Variants in TCF7L1 observed in about 807,000 individuals in gnomAD.
TCF7L1 encodes the protein transcription factor 7 like 1.
Under a neutral mutation model 63.7 loss-of-function variants are expected in TCF7L1, and 18 were observed. The observed-to-expected ratio is 0.28, with a 90% CI of 0.20 to 0.42. The LOEUF is 0.42. Ranked by LOEUF, TCF7L1 falls within the 10% of genes least tolerant of loss-of-function variation. TCF7L1 has a pLI of 1.00. For synonymous variants in TCF7L1, 355 were observed against 340.9 expected (o/e 1.04, Z -0.46); for missense variants, 654 against 779.3 (o/e 0.84, Z 1.91).
chr2:85,165,655 A>G (rs1007290502), intron 3 of TCF7L1, among the ~76,000 whole-genome samples: 1 of 152,184 alleles, frequency 6.6e-6, no homozygotes, highest in Non-Finnish European at 1.5e-5. Flanking sequence ...AAAAACATGT[A>G]TGGTGCCAGA....
At chr2:85,279,549 G>A (rs979897582) in intron 3 of TCF7L1, among the ~76,000 whole-genome samples, 1 of 152,174 alleles carries the variant, frequency 6.6e-6, no homozygotes, top group East Asian at 1.9e-4. Context: ...ACTGGCTCCT[G>A]CTGCCCCAAT....
chr2:85,146,497 C>CTTTTTTTTTTTTTTTTTTT (rs554058692), intron 3 of TCF7L1, among the ~76,000 whole-genome samples: 1 of 103,612 alleles, frequency 9.7e-6, no homozygotes, highest in Non-Finnish European at 1.9e-5. Context: ...TTCTTTCTTT[C>CTTTTTTTTTTTTTTTTTTT]TTTTTTTTTT....
intron 4 of TCF7L1, among the ~76,000 whole-genome samples, chr2:85,297,410 A>G (rs1681856554): frequency 6.6e-6 from 1 of 152,166 alleles, no homozygotes; most frequent in Non-Finnish European, 1.5e-5. Context: ...GCTGCAGCCC[A>G]CTGGCCTGCC....
chr2:85,205,373 C>T (rs1054158850), intron 3 of TCF7L1, among the ~76,000 whole-genome samples: 5 of 152,056 alleles, frequency 3.3e-5, no homozygotes, highest in South Asian at 2.1e-4. Context: ...CTTTGTCTTC[C>T]GGCTGTAGCA....
At chr2:85,278,961 A>G (rs968300163) in intron 3 of TCF7L1, among the ~76,000 whole-genome samples, 1 of 152,188 alleles carries the variant, frequency 6.6e-6, no homozygotes, top group Non-Finnish European at 1.5e-5. Flanking sequence ...ATTCATCACC[A>G]TTTCAATGTG....
chr2:85,277,475 G>T (rs1003389352), intron 3 of TCF7L1, among the ~76,000 whole-genome samples: 1 of 152,036 alleles, frequency 6.6e-6, no homozygotes, highest in African/African-American at 2.4e-5. Context: ...GAAAAGCCTG[G>T]GCAACCCTTG....
intron 3 of TCF7L1, among the ~76,000 whole-genome samples, chr2:85,139,848 T>G (rs6754757): frequency 0.41 from 61,815 of 151,894 alleles, 12,808 homozygotes; most frequent in Non-Finnish European, 0.43. Flanking sequence ...TAGAATGCCA[T>G]GGAAGGAATC....
chr2:85,158,403 C>A (rs1329426315), intron 3 of TCF7L1, among the ~76,000 whole-genome samples: 3 of 152,154 alleles, frequency 2.0e-5, no homozygotes, highest in Non-Finnish European at 4.4e-5. Flanking sequence ...TGAAGCCAGT[C>A]CAGAACTCCG....
intron 4 of TCF7L1, among the ~76,000 whole-genome samples, chr2:85,283,917 T>G (rs1440797865): frequency 6.6e-6 from 1 of 152,268 alleles, no homozygotes; most frequent in Non-Finnish European, 1.5e-5. Flanking sequence ...GTGGCTTCTC[T>G]GTCCTGTTGA....
rs1193019705 is a variant in TCF7L1 at position 85,302,607 on chromosome 2, C to G, written c.649C>G (p.Pro217Ala). 1 of 1,198,266 alleles carries G rather than the reference C, an allele frequency of 8.3e-7. No individual in the cohort carries two copies. The highest frequency in any genetic ancestry group is 1.6e-5 in the African/African-American group (1 of 63,300). 74.2% of individuals were successfully genotyped at this position (1,198,266 alleles called of 1,614,324 possible). Residue 217 changes from proline (P) to alanine (A), a missense_variant, in exon 5 of 12, where the codon CCA (proline) becomes GCA (alanine). Physicochemically the swap from Pro to Ala is conservative, Grantham distance 27 (BLOSUM62 -1). Around this residue, in one of 3 missense-constraint regions of TCF7L1, gnomAD observed 404 missense variants for 454.8 expected, o/e 0.89. Transcript: ENST00000282111. Reference sequence around the variant, plus strand: ...CACCCACCTCTCCCCAGAGATCGATCCAAAGACAGGTAAGTCGTCTGCCAC... The same window carrying G: ...CACCCACCTCTCCCCAGAGATCGATGCAAAGACAGGTAAGTCGTCTGCCAC... ...PPTHLSPEIDPKTGIPRPPHP... is the reference protein window; with the variant it reads ...PPTHLSPEIDAKTGIPRPPHP...
chr2:85,302,725 T>C, intron 5 of TCF7L1, 109 bp downstream of exon 5: 1 of 1,401,420 alleles, frequency 7.1e-7, no homozygotes, highest in Non-Finnish European at 9.6e-7. Flanking sequence ...ATCATGGCTC[T>C]TTGTCTCAGG....
At chr2:85,170,452 A>C (rs1226873587) in intron 3 of TCF7L1, among the ~76,000 whole-genome samples, 2 of 152,220 alleles carry the variant, frequency 1.3e-5, no homozygotes, top group Non-Finnish European at 2.9e-5. Flanking sequence ...GTGCCAAATC[A>C]TGGGTTTGTT....
chr2:85,289,856 T>C (rs1681647309), intron 4 of TCF7L1, among the ~76,000 whole-genome samples: 1 of 152,078 alleles, frequency 6.6e-6, no homozygotes, highest in South Asian at 2.1e-4. Context: ...GTATTTTTAG[T>C]AGAGACGGGG....
At chr2:85,153,499 G>A (rs1381592448) in intron 3 of TCF7L1, among the ~76,000 whole-genome samples, 2 of 151,654 alleles carry the variant, frequency 1.3e-5, no homozygotes, top group South Asian at 2.1e-4. Flanking sequence ...CCACCACCAC[G>A]CCCGGCTAAT....
At chr2:85,180,222 GT>G (rs1361694303) in intron 3 of TCF7L1, among the ~76,000 whole-genome samples, 331 of 147,298 alleles carry the variant, frequency 2.2e-3, no homozygotes, top group African/African-American at 8.0e-3. Flanking sequence ...TTTTTTTTTT[GT>G]TTTTGTTTTT....
chr2:85,202,755 G>A (rs1207909091), intron 3 of TCF7L1, among the ~76,000 whole-genome samples: 1 of 152,166 alleles, frequency 6.6e-6, no homozygotes, highest in African/African-American at 2.4e-5. Context: ...TAATGGTGAG[G>A]CACGTAAGGT....
chr2:85,187,714 C>G lies in TCF7L1; in HGVS notation c.441+53264C>G, dbSNP rs7597730. 5.9e-3 allele frequency among the ~76,000 whole-genome samples: 901 copies of G among 152,326 alleles called. 12 individuals carry two copies. The highest frequency in any genetic ancestry group is 0.02 in the African/African-American group (844 of 41,566). On this transcript the variant is annotated intron_variant, in intron 3 of 11. Coordinates refer to ENST00000282111, the MANE Select transcript of TCF7L1 (RefSeq NM_031283.3). ...GCCCTCTACCAAGACCATGCTGTCACAGTTACTGGAGCTATATAGTAAGCC... is the reference window on the plus strand; with the variant it reads ...GCCCTCTACCAAGACCATGCTGTCAGAGTTACTGGAGCTATATAGTAAGCC...
intron 3 of TCF7L1, among the ~76,000 whole-genome samples, chr2:85,230,858 G>A (rs1345659225): frequency 1.3e-5 from 2 of 152,142 alleles, no homozygotes; most frequent in Non-Finnish European, 2.9e-5. Context: ...CGTTGCCAGA[G>A]GAAAAGCCTG....
In TCF7L1 at chr2:85,212,656, A is replaced by AGTG. The variant is rs1679595849; in HGVS notation, c.442-70837_442-70835dup. 2.0e-5 allele frequency among the ~76,000 whole-genome samples: 3 copies of AGTG among 152,286 alleles called. No homozygotes were observed. In the South Asian group the frequency reaches 6.2e-4, roughly 32 times the overall value. On this transcript the variant is annotated intron_variant, in intron 3 of 11. Coordinates refer to ENST00000282111, the MANE Select transcript of TCF7L1 (RefSeq NM_031283.3). ...GAGGTGGAAAGTGTGCACCGTGTCA[A>AGTG]GTGGCTGTCAGCAGGGTCCTTTTAT...
Sources: allele counts gnomAD v4.1 joint callset (sites outside exome capture counted in the v4.1 genomes callset), GRCh38; gene constraint gnomAD v4.1.1; regional missense constraint gnomAD v4.1.1; transcripts MANE v1.5; gene names NCBI Gene and HGNC (gene_info 2026-07-23, HGNC 2026-07-21).